ZFHX4: variants seen among roughly 807,000 people sequenced by gnomAD.
ZFHX4 encodes zinc finger homeobox protein 4.
A neutral mutation model predicts 267.6 loss-of-function variants in ZFHX4; 56 were observed. The ratio of observed to expected loss-of-function variants is 0.21; its 90% CI spans 0.17 to 0.26. The LOEUF (loss-of-function observed/expected upper bound fraction) is 0.26, where lower values mean the gene tolerates loss of function less well. Ranked by LOEUF, ZFHX4 falls within the 10% of genes least tolerant of loss-of-function variation. The probability of loss-of-function intolerance (pLI) is 1.00; values close to 1 mark genes in which losing one functional copy is unlikely to be tolerated. For missense variants in ZFHX4, 4,332 were observed against 4,420.0 expected, an observed-to-expected ratio of 0.98 and a Z score of 0.56; for synonymous variants, 1,778 against 1,665.6, an observed-to-expected ratio of 1.07 and a Z score of -1.64.
chr8:76,681,268 A>G lies in ZFHX4; in HGVS notation c.-399A>G. 5.0e-6 allele frequency: 2 copies of G among 398,078 alleles called. No individual in the cohort carries two copies. 24.7% of individuals were successfully genotyped at this position (398,078 alleles called of 1,614,324 possible). On this transcript the variant is annotated 5_prime_UTR_variant, in exon 1 of 11. Coordinates refer to ENST00000651372, the MANE Select transcript of ZFHX4 (RefSeq NM_024721.5). The stretch of plus-strand genomic sequence containing the variant: ...AGACACACAAAGACATGCGCACTCA[A>G]CTTAATCAGCCATTTTTTTAAACAG...
intron 8 of ZFHX4, 125 bp downstream of exon 8, chr8:76,849,837 C>T (rs1380235617): frequency 9.3e-6 from 10 of 1,074,764 alleles, no homozygotes; most frequent in South Asian, 3.1e-5. Flanking sequence ...TGTTATTGCT[C>T]GTGTTATAGT....
At position 76,855,441 on chromosome 8, in the gene ZFHX4, A is replaced by G. The variant is rs1586016806; in HGVS notation, c.8520A>G (p.Lys2840=). ...SGDVKPALSP[K]EPKTLDTLPK... ...ATGTGAAACCGGCTTTGTCTCCCAA[A>G]GAGCCAAAAACTCTGGATACTCTGC... The change falls in exon 10 of 11, where the codon AAA becomes AAG. Residue 2840 remains lysine, a synonymous_variant. Coordinates refer to ENST00000651372, the MANE Select transcript of ZFHX4 (RefSeq NM_024721.5). The G allele has an allele frequency of 6.2e-7, 1 of 1,613,688 alleles. No homozygotes were observed. Among genetic ancestry groups the G allele is most frequent in the Non-Finnish European group, 8.5e-7 (1 of 1,179,820 alleles).
chr8:76,838,318 A>ATG (rs1057142778), intron 5 of ZFHX4, among the ~76,000 whole-genome samples: 7 of 152,214 alleles, frequency 4.6e-5, no homozygotes, highest in Admixed American at 3.3e-4. Context: ...TATTGGGTGA[A>ATG]TGTGACACTC....
At chr8:76,838,306 T>A (rs1415514161) in intron 5 of ZFHX4, among the ~76,000 whole-genome samples, 1 of 152,088 alleles carries the variant, frequency 6.6e-6, no homozygotes, top group Non-Finnish European at 1.5e-5. Flanking sequence ...CAGTAACAGG[T>A]CTATTGGGTG....
chr8:76,846,288 AT>A (rs1812362238), intron 6 of ZFHX4, among the ~76,000 whole-genome samples: 1 of 152,030 alleles, frequency 6.6e-6, no homozygotes, highest in African/African-American at 2.4e-5. Flanking sequence ...ACATCTCAAT[AT>A]TCTCTACTTC....
In ZFHX4 at chr8:76,855,881, T is replaced by C. The variant is rs531934811; in HGVS notation, c.8960T>C (p.Phe2987Ser). 1.9e-6 allele frequency: 3 copies of C among 1,613,534 alleles called. No individual in the cohort carries two copies. In the African/African-American group the frequency reaches 4.0e-5, roughly 22 times the overall value. The change falls in exon 10 of 11, where the codon TTT (phenylalanine) becomes TCT (serine). Residue 2987 changes from phenylalanine to serine, a missense_variant. By Grantham distance (155) the Phe-to-Ser change is radical (BLOSUM62 -2). Around this residue, in one of 7 missense-constraint regions of ZFHX4, gnomAD observed 1,648 missense variants for 1,625.0 expected, o/e 1.01. Transcript: ENST00000651372. ...FQNARAKEKK[F>S]KINIGKPFMI... Reference sequence around the variant, plus strand: ...AATGCAAGGGCAAAGGAAAAGAAATTTAAAATTAACATAGGGAAGCCTTTC... The same window carrying C: ...AATGCAAGGGCAAAGGAAAAGAAATCTAAAATTAACATAGGGAAGCCTTTC...
Position 76,739,801 on chromosome 8 carries a change from T to C in ZFHX4, c.3093+31753T>C, listed in dbSNP as rs183292381. On this transcript the variant is annotated intron_variant, in intron 3 of 10. Coordinates refer to ENST00000651372, the MANE Select transcript of ZFHX4 (RefSeq NM_024721.5). ...ATTTTAATATCATTCACAAGTGATA[T>C]GAATATATAATGTTTGTTATATTTA... is the stretch of plus-strand genomic sequence containing the variant. Among the ~76,000 whole-genome samples the C allele has an allele frequency of 6.6e-5, 10 of 152,286 alleles. No homozygotes were observed. The East Asian group carries it at 1.7e-3, about 26-fold the overall frequency.
Position 76,852,735 on chromosome 8 carries a change from T to C in ZFHX4, c.5814T>C (p.Gly1938=), listed in dbSNP as rs1027142014. The change falls in exon 10 of 11, where the codon GGT becomes GGC. Residue 1938 remains glycine, a synonymous_variant. Transcript: ENST00000651372. The part of the protein sequence containing the change: ...RQKVQKKGKS[G]EGENTDKLEC... Reference sequence around the variant, plus strand: ...AGGTACAGAAGAAGGGCAAAAGTGGTGAAGGCGAAAACACTGACAAACTAG... The same window carrying C: ...AGGTACAGAAGAAGGGCAAAAGTGGCGAAGGCGAAAACACTGACAAACTAG... 1.9e-5 allele frequency: 31 copies of C among 1,613,838 alleles called. No homozygotes were observed. The highest frequency in any genetic ancestry group is 2.3e-5 in the Non-Finnish European group (27 of 1,179,834).
intron 6 of ZFHX4, among the ~76,000 whole-genome samples, chr8:76,844,677 T>C (rs2131921635): frequency 6.6e-6 from 1 of 152,248 alleles, no homozygotes; most frequent in South Asian, 2.1e-4. Context: ...TAGACAATAG[T>C]ATAATGGTAG....
Position 76,863,079 on chromosome 8 carries a change from T to C in ZFHX4, c.9380-15T>C. Reference sequence around the variant, plus strand: ...TGTACATTGACAGTGGCCATCTCTCTGTTGTTGTTTTCAGCTTTAACACCT... The same window carrying C: ...TGTACATTGACAGTGGCCATCTCTCCGTTGTTGTTTTCAGCTTTAACACCT... On this transcript the variant is annotated splice_polypyrimidine_tract_variant and intron_variant, in intron 10 of 10. Coordinates refer to ENST00000651372, the MANE Select transcript of ZFHX4 (RefSeq NM_024721.5). The C allele has an allele frequency of 4.0e-6, 6 of 1,493,894 alleles. No homozygotes were observed. The highest frequency in any genetic ancestry group is 5.4e-6 in the Non-Finnish European group (6 of 1,121,020). The allele number at this position is 1,493,894 out of a possible 1,614,324, so 92.5% of individuals were successfully genotyped here.
chr8:76,693,936 C>T (rs895399287), intron 1 of ZFHX4, among the ~76,000 whole-genome samples: 1 of 152,172 alleles, frequency 6.6e-6, no homozygotes, highest in African/African-American at 2.4e-5. Flanking sequence ...GAGCACTTGG[C>T]TTTGTTCTTA....
At position 76,849,172 on chromosome 8, in the gene ZFHX4, T is replaced by C. The variant is rs1381051094; in HGVS notation, c.3645+44T>C. The stretch of plus-strand genomic sequence containing the variant: ...CTTTACTGTGTAAATCTTTATTTTT[T>C]ATTGCTCCTGATAGTTTTAAAGCCC... On this transcript the variant is annotated intron_variant, in intron 7 of 10. Coordinates refer to ENST00000651372, the MANE Select transcript of ZFHX4 (RefSeq NM_024721.5). 2.0e-6 allele frequency: 3 copies of C among 1,513,406 alleles called. No homozygotes were observed. The East Asian group carries it at 7.4e-5, about 37-fold the overall frequency. 93.7% of individuals were successfully genotyped at this position (1,513,406 alleles called of 1,614,324 possible). A position where few individuals can be genotyped will look rare whatever the true frequency, so the allele number is the denominator to read the frequency against.
intron 4 of ZFHX4, among the ~76,000 whole-genome samples, chr8:76,790,883 G>A (rs1425692194): frequency 6.6e-6 from 1 of 152,144 alleles, no homozygotes; most frequent in Non-Finnish European, 1.5e-5. Context: ...CCTTGCATGA[G>A]CACTGAAGGA....
chr8:76,700,785 T>C (rs963749643), intron 1 of ZFHX4, among the ~76,000 whole-genome samples: 6 of 152,174 alleles, frequency 3.9e-5, no homozygotes, highest in Non-Finnish European at 5.9e-5. Flanking sequence ...ATTAAAACTA[T>C]GTTAGGTTTT....
Position 76,687,291 on chromosome 8 carries a change from G to A in ZFHX4, c.-47+5671G>A, listed in dbSNP as rs561278980. Among the ~76,000 whole-genome samples the A allele has an allele frequency of 5.3e-5, 8 of 152,298 alleles. No individual in the cohort carries two copies. The South Asian group carries it at 1.4e-3, about 28-fold the overall frequency. On this transcript the variant is annotated intron_variant, in intron 1 of 10. Coordinates refer to ENST00000651372, the MANE Select transcript of ZFHX4 (RefSeq NM_024721.5). Reference sequence around the variant, plus strand: ...CAGAATGTCCTAAAAAGAAAGCGTTGTTTGCCTAATCCACCTTACAATGAC... The same window carrying A: ...CAGAATGTCCTAAAAAGAAAGCGTTATTTGCCTAATCCACCTTACAATGAC...
rs28376707 is a variant in ZFHX4, at chr8:76,851,837, C to A, written c.4916C>A (p.Ala1639Glu). Residue 1639 changes from alanine (A) to glutamate (E), a missense_variant, in exon 10 of 11, where the codon GCA becomes GAA. Coordinates refer to ENST00000651372, the MANE Select transcript of ZFHX4 (RefSeq NM_024721.5). ...CATGTGGCTGGTGGGCACAGCATTG[C>A]AGCAAATGTCAACAGCCCTGGCCAG... ...SGHVAGGHSI[A>E]ANVNSPGQGM... The A allele has an allele frequency of 6.2e-7, 1 of 1,613,900 alleles. No individual in the cohort carries two copies. The highest frequency in any genetic ancestry group is 2.2e-5 in the East Asian group (1 of 44,854).
intron 4 of ZFHX4, among the ~76,000 whole-genome samples, chr8:76,796,839 G>T (rs1244423057): frequency 6.6e-6 from 1 of 152,146 alleles, no homozygotes; most frequent in Non-Finnish European, 1.5e-5. Context: ...GTGAAGAGGT[G>T]TTTTTGTTTT....
At chr8:76,836,023 G>A (rs184282173) in intron 5 of ZFHX4, among the ~76,000 whole-genome samples, 31 of 152,122 alleles carry the variant, frequency 2.0e-4, no homozygotes, top group African/African-American at 3.1e-4. Context: ...ACATCACACC[G>A]TAGACTTAGT....
intron 6 of ZFHX4, among the ~76,000 whole-genome samples, chr8:76,844,322 C>T (rs1812311914): frequency 6.6e-6 from 1 of 152,110 alleles, no homozygotes; most frequent in Admixed American, 6.6e-5. Flanking sequence ...ATATCCTTCC[C>T]ATTCTTCAGA....
Sources: allele counts gnomAD v4.1 joint callset (sites outside exome capture counted in the v4.1 genomes callset), GRCh38; gene constraint gnomAD v4.1.1; regional missense constraint gnomAD v4.1.1; transcripts MANE v1.5; gene names NCBI Gene and HGNC (gene_info 2026-07-23, HGNC 2026-07-21).